Variants in PXK observed in about 807,000 individuals in gnomAD.
The protein encoded by PXK is PX domain containing serine/threonine kinase like, also known as PX domain-containing protein kinase-like protein.
A neutral mutation model predicts 84.7 loss-of-function variants in PXK; 35 were observed. The observed-to-expected ratio is 0.41, with a 90% confidence interval of 0.32 to 0.55. PXK has a LOEUF of 0.55. Ranked by LOEUF, PXK falls within the 20% of genes least tolerant of loss-of-function variation. The pLI is 0.21. For missense variants in PXK, 634 were observed against 699.7 expected (o/e 0.91, Z 1.06); for synonymous variants, 253 against 260.8 (o/e 0.97, Z 0.29).
chr3:58,347,470 C>T (rs184730126), intron 1 of PXK, among the ~76,000 whole-genome samples: 2 of 152,294 alleles, frequency 1.3e-5, no homozygotes, highest in East Asian at 3.9e-4. Context: ...AGAATGTCAT[C>T]TATAAGTGGA....
rs2098234363 is a variant in PXK at position 58,364,164 on chromosome 3, C to G, written c.103-1710C>G. ...TAATATTTTGGTAAGGATTTTTGAG[C>G]CTATGTTTGTGAATGGTATTGATCT... On this transcript the variant is annotated intron_variant, in intron 1 of 17. Coordinates refer to ENST00000356151, the MANE Select transcript of PXK (RefSeq NM_017771.5). This position sits in a 1 kb window ranked among gnomAD's most constrained non-coding sequence, Gnocchi z 4.3. Among the ~76,000 whole-genome samples, 1 of 151,992 alleles carries G rather than the reference C, an allele frequency of 6.6e-6. No individual in the cohort carries two copies. The highest frequency in any genetic ancestry group is 2.4e-5 in the African/African-American group (1 of 41,356).
At chr3:58,386,959 GAAC>G (rs557712793) in intron 4 of PXK, among the ~76,000 whole-genome samples, 1 of 152,236 alleles carries the variant, frequency 6.6e-6, no homozygotes, top group Non-Finnish European at 1.5e-5. Flanking sequence ...ACTATATTTA[GAAC>G]AACAGCAGGG....
At chr3:58,377,158 G>C (rs909153749) in intron 3 of PXK, among the ~76,000 whole-genome samples, 2 of 152,262 alleles carry the variant, frequency 1.3e-5, no homozygotes, top group Non-Finnish European at 2.9e-5. Flanking sequence ...AATTTACTCT[G>C]TGTATGCTCT....
At chr3:58,344,762 A>G (rs1354434133) in intron 1 of PXK, among the ~76,000 whole-genome samples, 2 of 152,328 alleles carry the variant, frequency 1.3e-5, no homozygotes, top group East Asian at 3.9e-4. Flanking sequence ...TTGGAGGCGG[A>G]GGCTGCAGTG....
intron 3 of PXK, among the ~76,000 whole-genome samples, chr3:58,381,667 G>A (rs1050044921): frequency 4.6e-5 from 7 of 151,664 alleles, no homozygotes; most frequent in East Asian, 1.9e-4. Context: ...GTACCAAATC[G>A]AATTATAATA....
chr3:58,402,876 GGGTTTGTTGTAC>G (rs976290449), intron 12 of PXK, among the ~76,000 whole-genome samples: 1 of 151,510 alleles, frequency 6.6e-6, no homozygotes, highest in Non-Finnish European at 1.5e-5. Context: ...CATGTCATGG[GGGTTTGTTGTAC>G]ATATTTCATC....
At chr3:58,388,118 G>T (rs967913859) in intron 4 of PXK, among the ~76,000 whole-genome samples, 4 of 152,170 alleles carry the variant, frequency 2.6e-5, no homozygotes, top group African/African-American at 9.7e-5. Context: ...GAAGGAGGGG[G>T]TTATTATTTG....
chr3:58,393,733 A>G (rs896513866), intron 7 of PXK, among the ~76,000 whole-genome samples: 3 of 152,330 alleles, frequency 2.0e-5, no homozygotes, highest in Non-Finnish European at 2.9e-5. Flanking sequence ...TTAATAACCA[A>G]TGTGTAAGGA....
In PXK at chr3:58,425,842, A is replaced by G. The variant is rs1190191310; in HGVS notation, c.*882A>G. On this transcript the variant is annotated 3_prime_UTR_variant, in exon 18 of 18. Transcript: ENST00000356151. ...TTAATGTTAGTCATTTATTAGAAAG[A>G]TCCTTTATCCTGATTTGCTTAAACC... The G allele has an allele frequency of 1.3e-5, 2 of 152,210 alleles. No homozygotes were observed. The highest frequency in any genetic ancestry group is 2.9e-5 in the Non-Finnish European group (2 of 68,040). The allele number at this position is 152,210 out of a possible 1,614,324, so 9.4% of individuals were successfully genotyped here. A position where few individuals can be genotyped will look rare whatever the true frequency, so the allele number is the denominator to read the frequency against.
At position 58,409,627 on chromosome 3, in the gene PXK, G is replaced by C. The variant is rs374037136; in HGVS notation, c.1395+9G>C. 52 of 1,605,076 alleles carry C rather than the reference G, an allele frequency of 3.2e-5. No homozygotes were observed. The African/African-American group carries it at 6.3e-4, about 20-fold the overall frequency. ...AGATTTTAGCTCGAAAGGTAAGCCT[G>C]CTGTCTCTCTGCAGTCCCTCTATGA... On this transcript the variant is annotated intron_variant, in intron 15 of 17. Coordinates refer to ENST00000356151, the MANE Select transcript of PXK (RefSeq NM_017771.5). This position sits in a 1 kb window ranked among gnomAD's most constrained non-coding sequence, Gnocchi z 4.2.
At chr3:58,402,379 G>A (rs1241138423) in intron 12 of PXK, among the ~76,000 whole-genome samples, 4 of 150,926 alleles carry the variant, frequency 2.7e-5, no homozygotes, top group Admixed American at 6.6e-5. Flanking sequence ...GACTGCAGGC[G>A]AATGCCACTG....
At position 58,333,561 on chromosome 3, in the gene PXK, C is replaced by T. The variant is rs939554609; in HGVS notation, c.102+471C>T. 6.6e-6 allele frequency: 3 copies of T among 456,624 alleles called. No homozygotes were observed. Among genetic ancestry groups the T allele is most frequent in the African/African-American group, 4.0e-5 (2 of 50,084 alleles). The allele number at this position is 456,624 out of a possible 1,614,324, so 28.3% of individuals were successfully genotyped here. A position where few individuals can be genotyped will look rare whatever the true frequency, so the allele number is the denominator to read the frequency against. ...GTGTGCCGGGCCAAATGAAGTGTGA[C>T]TCCAGAGCCTACTTGTTGGGACAGC... is the stretch of plus-strand genomic sequence containing the variant. On this transcript the variant is annotated intron_variant, in intron 1 of 17. Coordinates refer to ENST00000356151, the MANE Select transcript of PXK (RefSeq NM_017771.5). This position sits in a 1 kb window ranked among gnomAD's most constrained non-coding sequence, Gnocchi z 5.4.
intron 4 of PXK, among the ~76,000 whole-genome samples, chr3:58,386,290 C>CTCTTTT: frequency 1.2e-5 from 1 of 82,252 alleles, no homozygotes; most frequent in Non-Finnish European, 2.1e-5. Flanking sequence ...ATCCCCCTTA[C>CTCTTTT]TTTTTTTTTT....
At chr3:58,346,116 A>G (rs191262909) in intron 1 of PXK, among the ~76,000 whole-genome samples, 5 of 152,220 alleles carry the variant, frequency 3.3e-5, no homozygotes, top group African/African-American at 4.8e-5. Flanking sequence ...ATTCATTCCA[A>G]CTGGGTTTAT....
chr3:58,398,569 A>T lies in PXK; in HGVS notation c.1103-730A>T, dbSNP rs2058083577. On this transcript the variant is annotated intron_variant, in intron 11 of 17. Transcript: ENST00000356151. The surrounding 1 kb of genome is among the most constrained non-coding windows in gnomAD (Gnocchi z 4.5). ...ACCTGCGGGGGCTGAGGGGAGCTGG[A>T]GGACAAGTGAGAGCACCTTTAGGAA... is the stretch of plus-strand genomic sequence containing the variant. Among the ~76,000 whole-genome samples the T allele has an allele frequency of 6.6e-6, 1 of 152,080 alleles. No individual in the cohort carries two copies. The highest frequency in any genetic ancestry group is 2.1e-4 in the South Asian group (1 of 4,812).
chr3:58,354,825 C>G (rs2098033625), intron 1 of PXK, among the ~76,000 whole-genome samples: 1 of 151,986 alleles, frequency 6.6e-6, no homozygotes, highest in South Asian at 2.1e-4. Context: ...CATTTAAGAC[C>G]TGCTGGCCAG....
Position 58,398,553 on chromosome 3 carries a change from G to T in PXK, c.1103-746G>T, listed in dbSNP as rs1326004196. ...GAGCTCTTACAGCATTACCTGCGGGGGCTGAGGGGAGCTGGAGGACAAGTG... is the reference window on the plus strand; with the variant it reads ...GAGCTCTTACAGCATTACCTGCGGGTGCTGAGGGGAGCTGGAGGACAAGTG... On this transcript the variant is annotated intron_variant, in intron 11 of 17. Coordinates refer to ENST00000356151, the MANE Select transcript of PXK (RefSeq NM_017771.5). The surrounding 1 kb of genome is among the most constrained non-coding windows in gnomAD (Gnocchi z 4.5). Among the ~76,000 whole-genome samples the T allele has an allele frequency of 3.9e-5, 6 of 152,122 alleles. No individual in the cohort carries two copies. The highest frequency in any genetic ancestry group is 1.9e-4 in the East Asian group (1 of 5,194).
intron 4 of PXK, among the ~76,000 whole-genome samples, chr3:58,386,850 TGAA>T (rs1436371008): frequency 6.6e-6 from 1 of 152,204 alleles, no homozygotes; most frequent in African/African-American, 2.4e-5. Context: ...CAGGGAGTGC[TGAA>T]GTTCCCCTTT....
At chr3:58,422,547 C>G (rs2062058121) in intron 17 of PXK, 1 of 985,060 alleles carries the variant, frequency 1.0e-6, no homozygotes, top group Non-Finnish European at 1.2e-6. Flanking sequence ...TTTAAAGTGA[C>G]AGTGGAAAAT....
Sources: allele counts gnomAD v4.1 joint callset (sites outside exome capture counted in the v4.1 genomes callset), GRCh38; gene constraint gnomAD v4.1.1; non-coding constraint Gnocchi (gnomAD v3.1); transcripts MANE v1.5; gene names NCBI Gene and HGNC (gene_info 2026-07-23, HGNC 2026-07-21).